Variants in CNTN4 observed in about 807,000 individuals in gnomAD.
CNTN4 encodes the protein contactin-4.
A neutral mutation model predicts 122.5 loss-of-function variants in CNTN4; 77 were observed. That is an observed-to-expected ratio of 0.63 (90% CI 0.52 to 0.76). The LOEUF is 0.76. Ranked by LOEUF, CNTN4 falls within the 30% of genes least tolerant of loss-of-function variation. The probability of loss-of-function intolerance (pLI) is 0.00; values close to 1 mark genes in which losing one functional copy is unlikely to be tolerated. For synonymous variants in CNTN4, 512 were observed against 447.0 expected (o/e 1.15, Z -1.83); for missense variants, 1,256 against 1,259.1 (o/e 1.00, Z 0.04).
At chr3:2,721,874 G>A (rs970001363) in intron 4 of CNTN4, among the ~76,000 whole-genome samples, 3 of 152,182 alleles carry the variant, frequency 2.0e-5, no homozygotes, top group African/African-American at 7.2e-5. Context: ...AAGGGATTAA[G>A]TCATGAGGGC....
chr3:2,577,564 C>A (rs1247820123), intron 4 of CNTN4, among the ~76,000 whole-genome samples: 1 of 152,110 alleles, frequency 6.6e-6, no homozygotes, highest in Non-Finnish European at 1.5e-5. Context: ...GTTTTAGAGT[C>A]CTGTTCAATT....
At chr3:2,913,273 C>T (rs986415436) in intron 12 of CNTN4, among the ~76,000 whole-genome samples, 2 of 152,092 alleles carry the variant, frequency 1.3e-5, no homozygotes, top group Admixed American at 6.5e-5. Context: ...ATACATAAAA[C>T]AAATGAACAA....
intron 3 of CNTN4, among the ~76,000 whole-genome samples, chr3:2,555,808 G>T (rs758913826): frequency 1.3e-5 from 2 of 152,162 alleles, no homozygotes; most frequent in Non-Finnish European, 2.9e-5. Context: ...GAAAGTTGGA[G>T]GCTTGATCAG....
chr3:2,928,488 T>G (rs2094493192), intron 13 of CNTN4, among the ~76,000 whole-genome samples: 1 of 152,204 alleles, frequency 6.6e-6, no homozygotes, highest in African/African-American at 2.4e-5. Flanking sequence ...AGGATTGACC[T>G]GGTAGACCAA....
At chr3:2,503,447 A>T (rs1056009867) in intron 3 of CNTN4, among the ~76,000 whole-genome samples, 4 of 152,194 alleles carry the variant, frequency 2.6e-5, no homozygotes, top group African/African-American at 9.6e-5. Flanking sequence ...GCTATCATTC[A>T]TTGAGTGCTT....
chr3:2,496,517 C>A (rs1373128302), intron 3 of CNTN4, among the ~76,000 whole-genome samples: 2 of 152,064 alleles, frequency 1.3e-5, no homozygotes, highest in Non-Finnish European at 2.9e-5. Context: ...TAATTCACCC[C>A]TGAATTAAGT....
intron 4 of CNTN4, among the ~76,000 whole-genome samples, chr3:2,644,681 A>G (rs573135080): frequency 6.2e-4 from 93 of 150,244 alleles, no homozygotes; most frequent in East Asian, 2.3e-3. Flanking sequence ...CTGTCTATAG[A>G]GGAGTCACAG....
intron 7 of CNTN4, among the ~76,000 whole-genome samples, chr3:2,845,249 C>G (rs1438249212): frequency 6.6e-6 from 1 of 152,090 alleles, no homozygotes; most frequent in Non-Finnish European, 1.5e-5. Context: ...CTTGTCACAA[C>G]TCTTTTGTAA....
intron 5 of CNTN4, among the ~76,000 whole-genome samples, chr3:2,740,011 C>T (rs915000093): frequency 6.6e-6 from 1 of 152,028 alleles, no homozygotes; most frequent in African/African-American, 2.4e-5. Flanking sequence ...TCGTCTTGTA[C>T]CTGCTGTTTT....
chr3:2,409,136 A>C (rs1017583103), intron 3 of CNTN4, among the ~76,000 whole-genome samples: 11 of 152,174 alleles, frequency 7.2e-5, no homozygotes, highest in African/African-American at 2.2e-4. Context: ...TCATCTTCTA[A>C]AATTTTATTA....
At chr3:2,254,478 A>G (rs970373042) in intron 2 of CNTN4, among the ~76,000 whole-genome samples, 3 of 152,168 alleles carry the variant, frequency 2.0e-5, no homozygotes, top group Non-Finnish European at 4.4e-5. Flanking sequence ...TGTCTTCCAC[A>G]GTGGTTGAAC....
At chr3:2,614,234 T>C (rs912151068) in intron 4 of CNTN4, among the ~76,000 whole-genome samples, 3 of 152,134 alleles carry the variant, frequency 2.0e-5, no homozygotes, top group African/African-American at 7.2e-5. Flanking sequence ...TGGAAATAGC[T>C]GGTGCAAAGA....
chr3:2,818,755 A>G (rs1230397475), intron 6 of CNTN4, among the ~76,000 whole-genome samples: 1 of 152,248 alleles, frequency 6.6e-6, no homozygotes, highest in African/African-American at 2.4e-5. Flanking sequence ...CTCTCTAACC[A>G]GACTTGACCT....
At chr3:2,330,222 A>G (rs2043661333) in intron 2 of CNTN4, among the ~76,000 whole-genome samples, 1 of 152,234 alleles carries the variant, frequency 6.6e-6, no homozygotes, top group African/African-American at 2.4e-5. Flanking sequence ...GAACAGCCAG[A>G]TGGAAGAAAT....
chr3:2,569,947 A>T (rs561847051), intron 3 of CNTN4, among the ~76,000 whole-genome samples: 1 of 152,174 alleles, frequency 6.6e-6, no homozygotes, highest in East Asian at 1.9e-4. Flanking sequence ...ACTCTAGAGG[A>T]TAGAGACTGT....
intron 2 of CNTN4, among the ~76,000 whole-genome samples, chr3:2,188,717 A>G (rs2037388602): frequency 6.6e-6 from 1 of 152,184 alleles, no homozygotes; most frequent in Non-Finnish European, 1.5e-5. Flanking sequence ...TTGCAGGAAG[A>G]TGCTGGTGCT....
At chr3:2,691,766 G>A (rs1248500866) in intron 4 of CNTN4, among the ~76,000 whole-genome samples, 1 of 152,212 alleles carries the variant, frequency 6.6e-6, no homozygotes, top group Non-Finnish European at 1.5e-5. Flanking sequence ...AGGGTTAGAT[G>A]TAGTTTCTTG....
At chr3:2,782,881 A>T (rs1337556900) in intron 6 of CNTN4, among the ~76,000 whole-genome samples, 4 of 152,124 alleles carry the variant, frequency 2.6e-5, no homozygotes, top group Non-Finnish European at 5.9e-5. Context: ...CCAATGAGTA[A>T]CCCGGAATGA....
At chr3:2,197,325 T>A (rs2037890798) in intron 2 of CNTN4, among the ~76,000 whole-genome samples, 1 of 152,198 alleles carries the variant, frequency 6.6e-6, no homozygotes, top group African/African-American at 2.4e-5. Context: ...TCATTTTCTT[T>A]TCATTCTTTC....
Sources: gnomAD v4.1 joint callset for allele counts (sites outside exome capture counted in the v4.1 genomes callset) on GRCh38, gnomAD v4.1.1 for gene constraint, MANE v1.5 for transcripts, NCBI Gene and HGNC (gene_info 2026-07-23, HGNC 2026-07-21) for gene names.